Variants in LINGO1 observed in about 807,000 individuals in gnomAD.
LINGO1 encodes leucine rich repeat and Ig domain containing 1.
LINGO1 carries 11 observed loss-of-function variants against 37.3 expected under a neutral mutation model. The ratio of observed to expected loss-of-function variants is 0.29; its 90% CI spans 0.19 to 0.49. The LOEUF is 0.49. Ranked by LOEUF, LINGO1 falls within the 20% of genes least tolerant of loss-of-function variation. The pLI, the probability that LINGO1 is intolerant of heterozygous loss-of-function variation, is 0.99. For synonymous variants in LINGO1, 387 were observed against 403.0 expected (o/e 0.96, Z 0.48); for missense variants, 585 against 878.2 (o/e 0.67, Z 4.22).
At chr15:77,792,996 G>A (rs2076830122) in intron 2 of LINGO1, among the ~76,000 whole-genome samples, 1 of 152,170 alleles carries the variant, frequency 6.6e-6, no homozygotes, top group South Asian at 2.1e-4. Flanking sequence ...CTACCCAGAG[G>A]TCAGGGGAGC....
upstream of LINGO1, among the ~76,000 whole-genome samples, chr15:77,633,565 T>G (rs1042804673): frequency 6.6e-6 from 1 of 152,126 alleles, no homozygotes; most frequent in South Asian, 2.1e-4. Flanking sequence ...GCCCGGCAGC[T>G]CTACCCAGGA....
At chr15:77,638,452 G>A (rs944927761), upstream of LINGO1, among the ~76,000 whole-genome samples, 3 of 152,210 alleles carry the variant, frequency 2.0e-5, no homozygotes, top group Non-Finnish European at 4.4e-5. Context: ...TGGCTCCATG[G>A]GAACTTGGGC....
rs1567447188 is a variant in LINGO1 at position 77,614,666 on chromosome 15, A to G, written c.1241T>C (p.Leu414Pro). ...GCGGCAGGTGAAGTAGTTGGGCAGT[A>G]GCACATCAGGGAAGTCCTTGAACTC... is the stretch of plus-strand genomic sequence containing the variant. ...GKEFKDFPDV[L>P]LPNYFTCRRA... The change falls in exon 2 of 2, where the codon CTA becomes CCA. Residue 414 changes from leucine to proline, a missense_variant. By Grantham distance (98) the Leu-to-Pro change is moderately conservative (BLOSUM62 -3). Around this residue, in one of 4 missense-constraint regions of LINGO1, gnomAD observed 484 missense variants for 735.0 expected, o/e 0.66. Transcript: ENST00000355300. The G allele has an allele frequency of 1.2e-6, 2 of 1,612,166 alleles. No individual in the cohort carries two copies. The highest frequency in any genetic ancestry group is 2.2e-5 in the South Asian group (2 of 90,774).
chr15:77,802,309 C>G (rs1596245597), intron 1 of LINGO1, among the ~76,000 whole-genome samples: 1 of 151,964 alleles, frequency 6.6e-6, no homozygotes, highest in Non-Finnish European at 1.5e-5. Context: ...TCGGGGATGA[C>G]AGCAAAGAGA....
At chr15:77,782,709 C>T (rs1464160867) in intron 1 of LINGO1, among the ~76,000 whole-genome samples, 1 of 151,958 alleles carries the variant, frequency 6.6e-6, no homozygotes, top group East Asian at 1.9e-4. Context: ...TCCCCAGCCA[C>T]CCACTCTTCG....
intron 1 of LINGO1, among the ~76,000 whole-genome samples, chr15:77,622,342 G>A (rs2073948795): frequency 6.6e-6 from 1 of 152,114 alleles, no homozygotes; most frequent in Non-Finnish European, 1.5e-5. Context: ...GCAGGGAAGG[G>A]AGAGACAGAG....
At chr15:77,667,606 G>C (rs1369894480) in intron 3 of LINGO1, 1 of 152,230 alleles carries the variant, frequency 6.6e-6, no homozygotes, top group Non-Finnish European at 1.5e-5. Flanking sequence ...CCCACCATCA[G>C]CCTTGTCAGT....
chr15:77,815,650 C>A (rs2077041756), intron 1 of LINGO1, among the ~76,000 whole-genome samples: 1 of 152,138 alleles, frequency 6.6e-6, no homozygotes, highest in Non-Finnish European at 1.5e-5. Flanking sequence ...CACTTGCCAC[C>A]TCTGTATGCC....
chr15:77,715,871 G>A (rs2075977888), intron 2 of LINGO1, among the ~76,000 whole-genome samples: 1 of 152,214 alleles, frequency 6.6e-6, no homozygotes, highest in South Asian at 2.1e-4. Flanking sequence ...GCTCTGAAGG[G>A]GGCTGGGCTC....
intron 1 of LINGO1, among the ~76,000 whole-genome samples, chr15:77,760,916 CTTTTTTTTTTTTTT>C (rs34524098): frequency 2.4e-4 from 23 of 96,422 alleles, no homozygotes; most frequent in South Asian, 3.5e-4. Flanking sequence ...TAATAAGTAT[CTTTTTTTTTTTTTT>C]TTTTTTTTTT....
intron 1 of LINGO1, among the ~76,000 whole-genome samples, chr15:77,750,435 C>T (rs946293591): frequency 1.3e-5 from 2 of 152,244 alleles, no homozygotes; most frequent in Non-Finnish European, 2.9e-5. Flanking sequence ...CGTGCACACA[C>T]GCACGCGCTC....
intron 3 of LINGO1, chr15:77,641,643 G>C: frequency 2.8e-6 from 1 of 356,716 alleles, no homozygotes; most frequent in Non-Finnish European, 5.5e-6. Context: ...GACAGATGAG[G>C]AGTGGGCGTG....
intron 1 of LINGO1, among the ~76,000 whole-genome samples, chr15:77,622,527 C>T (rs1389808010): frequency 6.6e-6 from 1 of 152,196 alleles, no homozygotes; most frequent in Non-Finnish European, 1.5e-5. Context: ...CGCCGGATCA[C>T]CAAGGAAAAG....
intron 3 of LINGO1, among the ~76,000 whole-genome samples, chr15:77,659,381 C>A (rs1044181891): frequency 6.6e-6 from 1 of 152,092 alleles, no homozygotes; most frequent in Non-Finnish European, 1.5e-5. Flanking sequence ...TGCAATCATG[C>A]CCTACCTAGG....
chr15:77,751,673 T>A (rs565810770), intron 1 of LINGO1, among the ~76,000 whole-genome samples: 85 of 152,292 alleles, frequency 5.6e-4, no homozygotes, highest in African/African-American at 1.9e-3. Context: ...CCCCAAAGCC[T>A]AAACTGTAGG....
upstream of LINGO1, among the ~76,000 whole-genome samples, chr15:77,698,179 G>A (rs1402273216): frequency 1.3e-5 from 2 of 152,170 alleles, no homozygotes; most frequent in Non-Finnish European, 2.9e-5. Flanking sequence ...AAACTGCAAA[G>A]TGAGGACGGC....
At chr15:77,753,721 G>A (rs565490440) in intron 1 of LINGO1, among the ~76,000 whole-genome samples, 1 of 152,204 alleles carries the variant, frequency 6.6e-6, no homozygotes, top group African/African-American at 2.4e-5. Context: ...ACGGTCTGAG[G>A]GAGGAGAGGG....
In LINGO1 at chr15:77,625,059, T is replaced by C. The variant is rs557731550; in HGVS notation, c.6+7251A>G. On this transcript the variant is annotated intron_variant, in intron 1 of 1. Transcript: ENST00000355300. ...TTCCTGGGGCCCCCAGGGGGAACCC[T>C]CTCTGCAGCCCCAGCCGTCAGGGCC... Among the ~76,000 whole-genome samples the C allele has an allele frequency of 3.3e-5, 5 of 152,134 alleles. No homozygotes were observed. In the South Asian group the frequency reaches 1.0e-3, roughly 32 times the overall value.
intron 1 of LINGO1, among the ~76,000 whole-genome samples, chr15:77,770,943 C>T (rs1016581184): frequency 6.6e-6 from 1 of 152,246 alleles, no homozygotes; most frequent in Non-Finnish European, 1.5e-5. Flanking sequence ...CTTCAGGACC[C>T]TGAGTAGTGA....
Sources: allele counts gnomAD v4.1 joint callset (sites outside exome capture counted in the v4.1 genomes callset), GRCh38; gene constraint gnomAD v4.1.1; regional missense constraint gnomAD v4.1.1; transcripts MANE v1.5; gene names NCBI Gene and HGNC (gene_info 2026-07-23, HGNC 2026-07-21).